CARMIL1: variants seen among roughly 807,000 people sequenced by gnomAD.
CARMIL1 encodes F-actin-uncapping protein LRRC16A.
CARMIL1 carries 90 observed loss-of-function variants against 177.1 expected under a neutral mutation model. That is an observed-to-expected ratio of 0.51 (90% confidence interval 0.43 to 0.61). CARMIL1 has a LOEUF of 0.61. CARMIL1 is among the 20% of genes least tolerant of loss of function. The pLI is 0.00. For synonymous variants in CARMIL1, 577 were observed against 606.2 expected (o/e 0.95, Z 0.71); for missense variants, 1,380 against 1,667.0 (o/e 0.83, Z 3.00).
chr6:25,456,526 T>C (rs533210041), intron 8 of CARMIL1, among the ~76,000 whole-genome samples: 24 of 152,284 alleles, frequency 1.6e-4, no homozygotes, highest in African/African-American at 5.8e-4. Context: ...TTTGTTCTGT[T>C]TTAGGTTATC....
intron 2 of CARMIL1, among the ~76,000 whole-genome samples, chr6:25,286,054 GT>G (rs912704128): frequency 5.3e-5 from 8 of 151,458 alleles, no homozygotes; most frequent in Admixed American, 4.6e-4. Context: ...TTTATTTTTT[GT>G]AGAGACAGGG....
chr6:25,352,863 CTAAAGTCACT>C (rs1415383160), intron 2 of CARMIL1, among the ~76,000 whole-genome samples: 1 of 152,154 alleles, frequency 6.6e-6, no homozygotes, highest in Admixed American at 6.5e-5. Flanking sequence ...GCTTTGTGAG[CTAAAGTCACT>C]TAATAACTAC....
intron 11 of CARMIL1, among the ~76,000 whole-genome samples, chr6:25,475,983 G>T (rs1801543198): frequency 6.6e-6 from 1 of 151,996 alleles, no homozygotes; most frequent in South Asian, 2.1e-4. Flanking sequence ...CCACCTTCTG[G>T]GTTTTCTGTC....
At chr6:25,579,259 G>GA (rs5875052) in intron 29 of CARMIL1, among the ~76,000 whole-genome samples, 95,018 of 143,738 alleles carry the variant, frequency 0.66, 31,808 homozygotes, top group East Asian at 0.88. Flanking sequence ...CAAGAGTCAG[G>GA]AAAAAAAAAA....
intron 21 of CARMIL1, among the ~76,000 whole-genome samples, chr6:25,516,670 C>A (rs1806033278): frequency 6.6e-6 from 1 of 152,152 alleles, no homozygotes; most frequent in African/African-American, 2.4e-5. Flanking sequence ...TTTTATGTGT[C>A]AGGGTGAACT....
At chr6:25,522,470 G>A (rs998573810) in intron 23 of CARMIL1, among the ~76,000 whole-genome samples, 1 of 152,160 alleles carries the variant, frequency 6.6e-6, no homozygotes, top group Non-Finnish European at 1.5e-5. Flanking sequence ...CTTAGCATTT[G>A]TGTTTTCACA....
intron 35 of CARMIL1, among the ~76,000 whole-genome samples, chr6:25,607,775 C>T (rs761995124): frequency 6.6e-6 from 1 of 152,154 alleles, no homozygotes; most frequent in Admixed American, 6.5e-5. Flanking sequence ...CCAGCTTGGA[C>T]AGTCCCTGGT....
chr6:25,405,108 T>A (rs573141570), intron 2 of CARMIL1, among the ~76,000 whole-genome samples: 63 of 152,370 alleles, frequency 4.1e-4, no homozygotes, highest in African/African-American at 1.4e-3. Context: ...CTTGAAACTT[T>A]GAGACATTTG....
intron 26 of CARMIL1, among the ~76,000 whole-genome samples, chr6:25,546,265 GA>G (rs1298945610): frequency 3.3e-5 from 5 of 152,026 alleles, no homozygotes; most frequent in Non-Finnish European, 5.9e-5. Context: ...ATAAACAAAA[GA>G]AATGAGAAAT....
intron 29 of CARMIL1, among the ~76,000 whole-genome samples, chr6:25,567,969 T>G (rs1448637524): frequency 6.6e-6 from 1 of 152,190 alleles, no homozygotes; most frequent in Non-Finnish European, 1.5e-5. Flanking sequence ...CTACAGGAAT[T>G]TATATTTAAG....
Position 25,589,209 on chromosome 6 carries a change from A to G in CARMIL1, c.3007-5206A>G, listed in dbSNP as rs375287051. Among the ~76,000 whole-genome samples the G allele has an allele frequency of 3.9e-5, 6 of 152,302 alleles. No individual in the cohort carries two copies. The East Asian group carries it at 1.2e-3, about 29-fold the overall frequency. On this transcript the variant is annotated intron_variant, in intron 31 of 36. Transcript: ENST00000329474. ...TTTCTTAAAGCTCTAATTATTAGCA[A>G]ATTATTTTTTGTGTTGCTAAAACTC...
chr6:25,456,923 TTA>T (rs753518415), intron 8 of CARMIL1, among the ~76,000 whole-genome samples: 1 of 152,204 alleles, frequency 6.6e-6, no homozygotes, highest in South Asian at 2.1e-4. Context: ...TGAGTGTGGA[TTA>T]TGTTTGCCAA....
chr6:25,290,610 C>T (rs1340108466), intron 2 of CARMIL1, among the ~76,000 whole-genome samples: 1 of 151,906 alleles, frequency 6.6e-6, no homozygotes, highest in East Asian at 1.9e-4. Flanking sequence ...TTGCCAACCC[C>T]TTCTTCTTCC....
At chr6:25,407,228 G>T (rs1794457489) in intron 2 of CARMIL1, among the ~76,000 whole-genome samples, 1 of 152,144 alleles carries the variant, frequency 6.6e-6, no homozygotes, top group Non-Finnish European at 1.5e-5. Context: ...TGGGCTCAAA[G>T]GGTAGAGACA....
chr6:25,294,932 T>C (rs1343235360), intron 2 of CARMIL1, among the ~76,000 whole-genome samples: 1 of 152,104 alleles, frequency 6.6e-6, no homozygotes, highest in Non-Finnish European at 1.5e-5. Context: ...TTGAAGAGGG[T>C]ATGGAGCCTG....
intron 17 of CARMIL1, among the ~76,000 whole-genome samples, chr6:25,506,781 C>T (rs2093825): frequency 0.44 from 66,365 of 151,964 alleles, 14,859 homozygotes; most frequent in Middle Eastern, 0.52. Flanking sequence ...GAAAGAATAG[C>T]AGATAATTTG....
chr6:25,440,393 A>C (rs1418827232), intron 5 of CARMIL1, among the ~76,000 whole-genome samples: 1 of 152,254 alleles, frequency 6.6e-6, no homozygotes, highest in Non-Finnish European at 1.5e-5. Flanking sequence ...TATAATTTAG[A>C]AAATGCCTTG....
intron 17 of CARMIL1, among the ~76,000 whole-genome samples, chr6:25,506,732 A>G (rs1316366066): frequency 6.6e-6 from 1 of 152,236 alleles, no homozygotes; most frequent in African/African-American, 2.4e-5. Context: ...TTCCCAGGAT[A>G]AAAATTAATT....
chr6:25,568,214 TAG>T (rs1811723572), intron 29 of CARMIL1, among the ~76,000 whole-genome samples: 1 of 152,256 alleles, frequency 6.6e-6, no homozygotes, highest in African/African-American at 2.4e-5. Context: ...CTAGATTATA[TAG>T]CCTTATATAA....
Sources: gnomAD v4.1 joint callset for allele counts (sites outside exome capture counted in the v4.1 genomes callset) on GRCh38, gnomAD v4.1.1 for gene constraint, MANE v1.5 for transcripts, NCBI Gene and HGNC (gene_info 2026-07-23, HGNC 2026-07-21) for gene names.